The following MYT1L variants were observed in gnomAD, a reference collection of about 807,000 sequenced individuals.
MYT1L encodes myelin transcription factor 1 like.
In MYT1L, 12 loss-of-function variants were observed where a neutral mutation model predicts 126.7. The ratio of observed to expected loss-of-function variants is 0.09; its 90% CI spans 0.06 to 0.15. The LOEUF (loss-of-function observed/expected upper bound fraction) is 0.15, where lower values mean the gene tolerates loss of function less well. MYT1L is among the 10% of genes least tolerant of loss of function. MYT1L has a pLI of 1.00. For missense variants in MYT1L, 979 were observed against 1,585.2 expected (o/e 0.62, Z 6.49); for synonymous variants, 541 against 604.2 (o/e 0.90, Z 1.53).
chr2:2,130,898 C>G (rs116232144), intron 3 of MYT1L, among the ~76,000 whole-genome samples: 230 of 152,014 alleles, frequency 1.5e-3, no homozygotes, highest in African/African-American at 5.2e-3. Flanking sequence ...GAAACCCAGG[C>G]AAGAAAAAAA....
chr2:2,290,733 A>G (rs559096835), intron 1 of MYT1L, among the ~76,000 whole-genome samples: 1 of 152,306 alleles, frequency 6.6e-6, no homozygotes, highest in South Asian at 2.1e-4. Flanking sequence ...CGACCTTTGG[A>G]AAGGCACTGA....
chr2:2,111,960 G>A (rs546999364), intron 3 of MYT1L, among the ~76,000 whole-genome samples: 15 of 152,342 alleles, frequency 9.8e-5, no homozygotes, highest in African/African-American at 2.6e-4. Context: ...AACAATTTGC[G>A]TCAGGTAAAA....
chr2:1,874,539 C>T (rs1277295190), intron 18 of MYT1L, among the ~76,000 whole-genome samples: 5 of 152,184 alleles, frequency 3.3e-5, no homozygotes, highest in Admixed American at 2.0e-4. Context: ...GGCAGCCAGG[C>T]GTACCTAATG....
At chr2:1,833,159 C>T (rs903440412) in intron 21 of MYT1L, among the ~76,000 whole-genome samples, 2 of 152,186 alleles carry the variant, frequency 1.3e-5, no homozygotes, top group Non-Finnish European at 2.9e-5. Flanking sequence ...CCAGTGTCCC[C>T]CACAGTGTGT....
chr2:2,071,866 T>A (rs1292173760), intron 3 of MYT1L, among the ~76,000 whole-genome samples: 2 of 152,078 alleles, frequency 1.3e-5, no homozygotes, highest in Non-Finnish European at 2.9e-5. Context: ...GGCTCAGGCG[T>A]GAGAACAGAG....
intron 2 of MYT1L, among the ~76,000 whole-genome samples, chr2:2,184,570 C>T (rs2091916234): frequency 6.6e-6 from 1 of 152,076 alleles, no homozygotes; most frequent in Admixed American, 6.5e-5. Context: ...AATCTCCAGG[C>T]AAAAATATCC....
intron 1 of MYT1L, among the ~76,000 whole-genome samples, chr2:2,320,505 G>T (rs75834476): frequency 2.0e-5 from 3 of 150,480 alleles, no homozygotes; most frequent in Admixed American, 6.6e-5. Flanking sequence ...AAAAAAGCCA[G>T]CAAAGAAAGG....
chr2:1,858,444 A>G (rs2044182720), intron 18 of MYT1L, among the ~76,000 whole-genome samples: 1 of 152,382 alleles, frequency 6.6e-6, no homozygotes, highest in East Asian at 1.9e-4. Flanking sequence ...AACAATAAAA[A>G]TAATACAAAT....
At chr2:1,807,011 G>A (rs550186356) in intron 22 of MYT1L, among the ~76,000 whole-genome samples, 4 of 152,330 alleles carry the variant, frequency 2.6e-5, no homozygotes, top group African/African-American at 9.6e-5. Flanking sequence ...CTATCCTGGT[G>A]TCTCAAAAGC....
chr2:1,961,560 C>T (rs66796535), intron 8 of MYT1L, among the ~76,000 whole-genome samples: 11,587 of 152,296 alleles, frequency 0.076, 690 homozygotes, highest in African/African-American at 0.17. Context: ...CCTCTGCCAT[C>T]GGGCTTCGTG....
At chr2:2,265,033 T>TC (rs1395734772) in intron 2 of MYT1L, among the ~76,000 whole-genome samples, 1 of 151,956 alleles carries the variant, frequency 6.6e-6, no homozygotes, top group African/African-American at 2.4e-5. Flanking sequence ...TTTTTAATTT[T>TC]TTTTTTTTTT....
At chr2:2,147,647 C>T (rs1365603668) in intron 3 of MYT1L, among the ~76,000 whole-genome samples, 1 of 152,216 alleles carries the variant, frequency 6.6e-6, no homozygotes, top group Non-Finnish European at 1.5e-5. Context: ...TCTGCACCCG[C>T]AGGACGGGGG....
intron 3 of MYT1L, among the ~76,000 whole-genome samples, chr2:2,104,024 A>T (rs970879971): frequency 6.6e-6 from 1 of 152,196 alleles, no homozygotes; most frequent in Non-Finnish European, 1.5e-5. Flanking sequence ...AGCATTTGTG[A>T]GAATTATTTG....
At chr2:2,255,131 C>T (rs1278239653) in intron 2 of MYT1L, among the ~76,000 whole-genome samples, 1 of 152,120 alleles carries the variant, frequency 6.6e-6, no homozygotes, top group African/African-American at 2.4e-5. Flanking sequence ...AATAAATAGT[C>T]TTGTGATTTT....
intron 3 of MYT1L, among the ~76,000 whole-genome samples, chr2:2,106,621 AATAAATAAATAAATAC>A (rs1313337031): frequency 6.6e-6 from 1 of 152,170 alleles, no homozygotes; most frequent in Admixed American, 6.5e-5. Context: ...CCATCTCAAA[AATAAATAAATAAATAC>A]ATAAATAAAT....
At chr2:1,983,536 C>T (rs2060767940) in intron 5 of MYT1L, among the ~76,000 whole-genome samples, 1 of 152,194 alleles carries the variant, frequency 6.6e-6, no homozygotes. Context: ...GTGTGTGGTC[C>T]TAAGGCAGCT....
intron 4 of MYT1L, among the ~76,000 whole-genome samples, chr2:2,016,235 T>G: frequency 6.6e-6 from 1 of 152,186 alleles, no homozygotes; most frequent in South Asian, 2.1e-4. Flanking sequence ...GGCAAACAAA[T>G]GCACAGACAC....
In MYT1L at chr2:1,852,190, C is replaced by T. The variant is rs764994747; in HGVS notation, c.2712-487G>A. Among the ~76,000 whole-genome samples, 1 of 152,166 alleles carries T rather than the reference C, an allele frequency of 6.6e-6. No homozygotes were observed. Among genetic ancestry groups the T allele is most frequent in the Non-Finnish European group, 1.5e-5 (1 of 68,036 alleles). ...TTCCACAGACTGGCCAGGGCTGCGG[C>T]CAGCCTGGGTGGTCCCAGGGAGCAG... On this transcript the variant is annotated intron_variant, in intron 18 of 24. Coordinates refer to ENST00000647738, the MANE Select transcript of MYT1L (RefSeq NM_001303052.2). The surrounding 1 kb of genome is among the most constrained non-coding windows in gnomAD (Gnocchi z 4.0).
Position 1,801,828 on chromosome 2 carries a change from A to G in MYT1L, c.3173-29T>C, listed in dbSNP as rs776410209. 13 of 1,349,080 alleles carry G rather than the reference A, an allele frequency of 9.6e-6. No homozygotes were observed. Among genetic ancestry groups the G allele is most frequent in the Non-Finnish European group, 1.1e-5 (11 of 962,760 alleles). The allele number at this position is 1,349,080 out of a possible 1,614,324, so 83.6% of individuals were successfully genotyped here. On this transcript the variant is annotated intron_variant, in intron 22 of 24. Transcript: ENST00000647738. This position sits in a 1 kb window ranked among gnomAD's most constrained non-coding sequence, Gnocchi z 4.2. The stretch of plus-strand genomic sequence containing the variant: ...TAATAATGAATATTAGTATGTTAAA[A>G]CTGTTATATACAAAAATATTAGAGT...
Sources: allele counts gnomAD v4.1 joint callset (sites outside exome capture counted in the v4.1 genomes callset), GRCh38; gene constraint gnomAD v4.1.1; non-coding constraint Gnocchi (gnomAD v3.1); transcripts MANE v1.5; gene names NCBI Gene and HGNC (gene_info 2026-07-23, HGNC 2026-07-21).